The following KIAA1549L variants were observed in gnomAD, a reference collection of about 807,000 sequenced individuals.
KIAA1549L encodes the protein KIAA1549 like.
KIAA1549L carries 88 observed loss-of-function variants against 160.7 expected under a neutral mutation model. That is an observed-to-expected ratio of 0.55 (90% confidence interval 0.46 to 0.65). KIAA1549L has a LOEUF of 0.65. Among genes scored for constraint, KIAA1549L ranks in the 30% least tolerant of loss-of-function variants. The pLI, the probability that KIAA1549L is intolerant of heterozygous loss-of-function variation, is 0.00. For missense variants in KIAA1549L, 2,258 were observed against 2,437.5 expected (o/e 0.93, Z 1.55); for synonymous variants, 950 against 976.7 (o/e 0.97, Z 0.51).
At chr11:33,422,792 G>T (rs1851044747) in intron 1 of KIAA1549L, among the ~76,000 whole-genome samples, 1 of 150,918 alleles carries the variant, frequency 6.6e-6, no homozygotes, top group African/African-American at 2.4e-5. Context: ...CCATGAAAAA[G>T]AAAAAAAAGG....
intron 18 of KIAA1549L, among the ~76,000 whole-genome samples, chr11:33,657,857 A>G (rs767356589): frequency 3.9e-5 from 6 of 152,158 alleles, no homozygotes; most frequent in Non-Finnish European, 8.8e-5. Context: ...TCTGCCTCCC[A>G]TGTTCTCCCT....
intron 1 of KIAA1549L, among the ~76,000 whole-genome samples, chr11:33,439,443 C>T (rs1199917532): frequency 6.6e-6 from 1 of 151,938 alleles, no homozygotes; most frequent in Non-Finnish European, 1.5e-5. Flanking sequence ...CGCTCTGTCG[C>T]CCAGGCTGGA....
chr11:33,615,869 T>A (rs750387330), intron 15 of KIAA1549L, among the ~76,000 whole-genome samples: 10 of 152,222 alleles, frequency 6.6e-5, no homozygotes, highest in Non-Finnish European at 1.3e-4. Flanking sequence ...AAGTCTGCCT[T>A]TTCCCAAAAA....
At chr11:33,533,272 G>T (rs1244017569) in intron 1 of KIAA1549L, among the ~76,000 whole-genome samples, 1 of 152,170 alleles carries the variant, frequency 6.6e-6, no homozygotes, top group Non-Finnish European at 1.5e-5. Flanking sequence ...CTAGCAGCGC[G>T]AAGAGCCTCA....
intron 1 of KIAA1549L, among the ~76,000 whole-genome samples, chr11:33,381,469 A>G (rs574230061): frequency 5.1e-4 from 78 of 152,300 alleles, no homozygotes; most frequent in Non-Finnish European, 9.7e-4. Flanking sequence ...TGTTTGAGGA[A>G]GAGCAGGAAT....
chr11:33,406,640 C>T (rs1850659388), intron 1 of KIAA1549L, among the ~76,000 whole-genome samples: 1 of 152,242 alleles, frequency 6.6e-6, no homozygotes, highest in South Asian at 2.1e-4. Context: ...CTGACATTTG[C>T]TCTCCACTCT....
chr11:33,665,283 T>A (rs1459521785), intron 20 of KIAA1549L: 1 of 152,260 alleles, frequency 6.6e-6, no homozygotes, highest in Non-Finnish European at 1.5e-5. Flanking sequence ...GTGGGTAGCT[T>A]CTCTCTGTAG....
intron 1 of KIAA1549L, among the ~76,000 whole-genome samples, chr11:33,474,976 G>A (rs533672823): frequency 1.1e-4 from 16 of 152,344 alleles, no homozygotes; most frequent in African/African-American, 3.1e-4. Flanking sequence ...GGAATTGAAA[G>A]CCTTGCAGAA....
rs776678522 is a variant in KIAA1549L at position 33,660,852 on chromosome 11, C to T, written c.6008-11C>T. 1 of 1,613,308 alleles carries T rather than the reference C, an allele frequency of 6.2e-7. No individual in the cohort carries two copies. The highest frequency in any genetic ancestry group is 1.1e-5 in the South Asian group (1 of 90,908). On this transcript the variant is annotated splice_polypyrimidine_tract_variant and intron_variant, in intron 19 of 20. Coordinates refer to ENST00000658780, the MANE Select transcript of KIAA1549L (RefSeq NM_012194.3). The stretch of plus-strand genomic sequence containing the variant: ...TCTCTTAACCTCCCTCCTCCATTTC[C>T]TCCATGCCAGGTAATACGGTGCCAG...
Position 33,606,795 on chromosome 11 carries a change from G to C in KIAA1549L, c.5034G>C (p.Gln1678His). The stretch of plus-strand genomic sequence containing the variant: ...TGCCCCCCACCTCGGACAGGAGCCA[G>C]GAGTCATCGGCAGTCCTCAACGGCG... ...PMVPPTSDRS[Q>H]ESSAVLNGEV... Residue 1678 changes from glutamine (Q) to histidine (H), a missense_variant, in exon 14 of 21, where the codon CAG becomes CAC. Gln to His is a conservative substitution (Grantham distance 24). Around this residue, in one of 6 missense-constraint regions of KIAA1549L, gnomAD observed 1,359 missense variants for 1,546.6 expected, o/e 0.88. Coordinates refer to ENST00000658780, the MANE Select transcript of KIAA1549L (RefSeq NM_012194.3). The C allele has an allele frequency of 6.2e-7, 1 of 1,611,964 alleles. No homozygotes were observed.
At chr11:33,579,925 A>G (rs1255372469) in intron 10 of KIAA1549L, among the ~76,000 whole-genome samples, 2 of 152,208 alleles carry the variant, frequency 1.3e-5, no homozygotes, top group Non-Finnish European at 2.9e-5. Context: ...AGATCAGCCT[A>G]CAATGTTCAT....
chr11:33,598,690 T>G (rs1335299473), intron 12 of KIAA1549L, 130 bp from the exon 13 acceptor site: 7 of 1,142,426 alleles, frequency 6.1e-6, no homozygotes, highest in Non-Finnish European at 6.2e-6. Context: ...TTTTTCTGTA[T>G]CGTTTCCTCT....
At chr11:33,514,118 T>A (rs928331072) in intron 1 of KIAA1549L, among the ~76,000 whole-genome samples, 9 of 152,210 alleles carry the variant, frequency 5.9e-5, no homozygotes, top group Admixed American at 3.9e-4. Context: ...CCTTCCTTCC[T>A]GTTCCAGATA....
chr11:33,474,537 G>T (rs1189346129), intron 1 of KIAA1549L, among the ~76,000 whole-genome samples: 1 of 152,206 alleles, frequency 6.6e-6, no homozygotes, highest in Non-Finnish European at 1.5e-5. Context: ...CTAAGAGACT[G>T]AGAGAAAGAG....
Position 33,376,215 on chromosome 11 carries a change from A to G in KIAA1549L, c.-437A>G, listed in dbSNP as rs1014393451. 1.3e-5 allele frequency among the ~76,000 whole-genome samples: 2 copies of G among 149,334 alleles called. No individual in the cohort carries two copies. The highest frequency in any genetic ancestry group is 4.9e-5 in the African/African-American group (2 of 41,150). ...AGCGAGGAGCGAGGAGCGAGGAGCC[A>G]GGACAGCGGGGCGCCGAGGCTGCAG... is the stretch of plus-strand genomic sequence containing the variant. On this transcript the variant is annotated 5_prime_UTR_variant, in exon 1 of 21. Transcript: ENST00000658780. This position sits in a 1 kb window ranked among gnomAD's most constrained non-coding sequence, Gnocchi z 5.8.
chr11:33,624,895 C>G (rs2133362490), intron 16 of KIAA1549L, among the ~76,000 whole-genome samples: 1 of 146,636 alleles, frequency 6.8e-6, no homozygotes, highest in African/African-American at 2.5e-5. Flanking sequence ...TCTCCCAGTG[C>G]TATCCCTCCC....
At chr11:33,608,962 G>T (rs965505065) in intron 14 of KIAA1549L, among the ~76,000 whole-genome samples, 4 of 152,220 alleles carry the variant, frequency 2.6e-5, no homozygotes, top group African/African-American at 7.2e-5. Flanking sequence ...TTCTTTTAAA[G>T]ATTATTTTTA....
intron 15 of KIAA1549L, among the ~76,000 whole-genome samples, chr11:33,614,039 G>A (rs1203072590): frequency 1.3e-5 from 2 of 152,008 alleles, no homozygotes; most frequent in South Asian, 2.1e-4. Context: ...GCTTTTTCTC[G>A]GCAGCCACCA....
At chr11:33,556,642 G>C (rs1303401117) in intron 6 of KIAA1549L, among the ~76,000 whole-genome samples, 1 of 152,150 alleles carries the variant, frequency 6.6e-6, no homozygotes, top group Non-Finnish European at 1.5e-5. Context: ...AAGATATCTA[G>C]AGTTGTCAAA....
Sources: gnomAD v4.1 joint callset for allele counts (sites outside exome capture counted in the v4.1 genomes callset) on GRCh38, gnomAD v4.1.1 for gene constraint, gnomAD v4.1.1 regional missense constraint, Gnocchi (gnomAD v3.1) non-coding constraint, MANE v1.5 for transcripts, NCBI Gene and HGNC (gene_info 2026-07-23, HGNC 2026-07-21) for gene names.